Variants in DLGAP2 observed in about 807,000 individuals in gnomAD.
DLGAP2 encodes the protein DLG associated protein 2, also known as disks large-associated protein 2.
A neutral mutation model predicts 100.3 loss-of-function variants in DLGAP2; 26 were observed. The ratio of observed to expected loss-of-function variants is 0.26; its 90% CI spans 0.19 to 0.36. The LOEUF (loss-of-function observed/expected upper bound fraction) is 0.36, where lower values mean the gene tolerates loss of function less well. Among genes scored for constraint, DLGAP2 ranks in the 10% least tolerant of loss-of-function variants. The pLI is 1.00. For synonymous variants in DLGAP2, 886 were observed against 630.1 expected (o/e 1.41, Z -6.08); for missense variants, 1,858 against 1,453.2 (o/e 1.28, Z -4.53).
chr8:943,242 T>G (rs1799235175), intron 2 of DLGAP2, among the ~76,000 whole-genome samples: 1 of 152,160 alleles, frequency 6.6e-6, no homozygotes, highest in Admixed American at 6.5e-5. Context: ...AGGCAGCCTT[T>G]CTAGGGATCG....
At chr8:1,136,550 C>T (rs139737688) in intron 2 of DLGAP2, among the ~76,000 whole-genome samples, 155 of 152,336 alleles carry the variant, frequency 1.0e-3, no homozygotes, top group African/African-American at 3.5e-3. Context: ...GCACCAAGTA[C>T]GGTGCCTGGT....
In DLGAP2 at chr8:1,070,850, C is replaced by T. The variant is rs142070857; in HGVS notation, c.73+162884C>T. ...GAGCTGGGCTGTGGTTGTTCCCACT[C>T]GCCCCTCGCCCTCACTCTCCAGACC... On this transcript the variant is annotated intron_variant, in intron 2 of 14. Transcript: ENST00000637795. Among the ~76,000 whole-genome samples, 604 of 152,278 alleles carry T rather than the reference C, an allele frequency of 4.0e-3. 4 individuals carry two copies. Among genetic ancestry groups the T allele is most frequent in the African/African-American group, 0.014 (581 of 41,560 alleles).
chr8:1,337,114 A>AATG (rs1326172588), intron 3 of DLGAP2, among the ~76,000 whole-genome samples: 1 of 148,516 alleles, frequency 6.7e-6, no homozygotes, highest in Non-Finnish European at 1.5e-5. Context: ...AGAAATAGAT[A>AATG]ATGATGATGA....
At chr8:1,606,079 C>T (rs141679390) in intron 6 of DLGAP2, among the ~76,000 whole-genome samples, 2 of 152,316 alleles carry the variant, frequency 1.3e-5, no homozygotes, top group Admixed American at 1.3e-4. Context: ...AACTCTGCTG[C>T]CCCAGAGCTC....
intron 4 of DLGAP2, among the ~76,000 whole-genome samples, chr8:1,519,031 C>T (rs1055853471): frequency 3.3e-5 from 5 of 152,146 alleles, no homozygotes; most frequent in Non-Finnish European, 7.3e-5. Context: ...GCCAGGATCT[C>T]AACAACGAGC....
intron 2 of DLGAP2, among the ~76,000 whole-genome samples, chr8:1,199,304 C>A (rs1797819229): frequency 6.6e-6 from 1 of 152,170 alleles, no homozygotes; most frequent in Admixed American, 6.5e-5. Flanking sequence ...AATATTTGAG[C>A]AGGTTGAGCT....
intron 3 of DLGAP2, among the ~76,000 whole-genome samples, chr8:1,273,317 T>C (rs1585212899): frequency 6.6e-6 from 1 of 152,292 alleles, no homozygotes; most frequent in East Asian, 1.9e-4. Context: ...AGAGCCCTGC[T>C]GGGGACTTGA....
chr8:747,371 C>T (rs1225830568), intron 1 of DLGAP2, among the ~76,000 whole-genome samples: 1 of 152,034 alleles, frequency 6.6e-6, no homozygotes, highest in Non-Finnish European at 1.5e-5. Context: ...TGCTCCGCGC[C>T]AGTCACGCGA....
At chr8:902,474 C>G (rs908869217) in intron 1 of DLGAP2, among the ~76,000 whole-genome samples, 9 of 147,818 alleles carry the variant, frequency 6.1e-5, no homozygotes, top group Non-Finnish European at 1.0e-4. Context: ...CCCAGGTAGC[C>G]TAGCGTGAGT....
At chr8:1,225,438 G>A (rs1356715514) in intron 2 of DLGAP2, among the ~76,000 whole-genome samples, 1 of 152,192 alleles carries the variant, frequency 6.6e-6, no homozygotes, top group African/African-American at 2.4e-5. Context: ...AGGAGAATGG[G>A]GAACGGTCAC....
chr8:1,657,632 C>T (rs1037225138), intron 8 of DLGAP2, among the ~76,000 whole-genome samples: 1 of 152,144 alleles, frequency 6.6e-6, no homozygotes, highest in South Asian at 2.1e-4. Flanking sequence ...GCTGTACAGG[C>T]ACAACAAATG....
At chr8:1,369,135 G>C (rs1282884043) in intron 3 of DLGAP2, 1 of 152,150 alleles carries the variant, frequency 6.6e-6, no homozygotes, top group Admixed American at 6.5e-5. Context: ...ACAGTTCTAT[G>C]TTATAAAATA....
chr8:1,315,719 G>A (rs1800724706), intron 3 of DLGAP2, among the ~76,000 whole-genome samples: 1 of 49,284 alleles, frequency 2.0e-5, no homozygotes, highest in Non-Finnish European at 3.5e-5. Flanking sequence ...CTGTACGAGT[G>A]CAGCGTCTCT....
chr8:810,857 A>G (rs1796357177), intron 1 of DLGAP2, among the ~76,000 whole-genome samples: 1 of 152,234 alleles, frequency 6.6e-6, no homozygotes, highest in Non-Finnish European at 1.5e-5. Context: ...CCTTAGGGAC[A>G]TGTGTTTACA....
At chr8:1,290,350 C>T (rs1410626467) in intron 3 of DLGAP2, among the ~76,000 whole-genome samples, 1 of 152,224 alleles carries the variant, frequency 6.6e-6, no homozygotes, top group African/African-American at 2.4e-5. Flanking sequence ...GATGGTCCCG[C>T]TTTACAAATG....
At chr8:1,609,969 GA>G in intron 6 of DLGAP2, among the ~76,000 whole-genome samples, 1 of 151,412 alleles carries the variant, frequency 6.6e-6, no homozygotes, top group Non-Finnish European at 1.5e-5. Flanking sequence ...GTCAACATTA[GA>G]CAGATCAACG....
chr8:984,313 G>C (rs1317882962), intron 2 of DLGAP2, among the ~76,000 whole-genome samples: 1 of 152,138 alleles, frequency 6.6e-6, no homozygotes, highest in Non-Finnish European at 1.5e-5. Flanking sequence ...AATATTCTCT[G>C]CCTCTGTGAA....
At chr8:1,004,711 G>A (rs963169034) in intron 2 of DLGAP2, among the ~76,000 whole-genome samples, 41 of 152,250 alleles carry the variant, frequency 2.7e-4, no homozygotes, top group Admixed American at 9.8e-4. Flanking sequence ...CAGTATGTGC[G>A]GCATCTTTCT....
intron 2 of DLGAP2, among the ~76,000 whole-genome samples, chr8:1,031,880 A>G (rs1801983705): frequency 6.6e-6 from 1 of 152,166 alleles, no homozygotes; most frequent in Non-Finnish European, 1.5e-5. Flanking sequence ...ACCTGTGGCC[A>G]CCATAAGTCC....
Sources: gnomAD v4.1 joint callset for allele counts (sites outside exome capture counted in the v4.1 genomes callset) on GRCh38, gnomAD v4.1.1 for gene constraint, MANE v1.5 for transcripts, NCBI Gene and HGNC (gene_info 2026-07-23, HGNC 2026-07-21) for gene names.